Variants in KDR observed in about 807,000 individuals in gnomAD.
The protein encoded by KDR is kinase insert domain receptor.
Under a neutral mutation model 160.9 loss-of-function variants are expected in KDR, and 43 were observed. That is an observed-to-expected ratio of 0.27 (90% CI 0.21 to 0.34). KDR has a LOEUF of 0.34. Among genes scored for constraint, KDR ranks in the 10% least tolerant of loss-of-function variants. The pLI is 1.00. For synonymous variants in KDR, 617 were observed against 600.1 expected (o/e 1.03, Z -0.41); for missense variants, 1,469 against 1,666.4 (o/e 0.88, Z 2.06).
rs587778429 is a variant in KDR at position 55,114,137 on chromosome 4, G to T, written c.787C>A (p.Pro263Thr). Reference sequence around the variant, plus strand: ...ATCATTAGCGTTACCTTCGAAGAAGGGTATTCCCAGTTGAAGTCAATCCCC... The same window carrying T: ...ATCATTAGCGTTACCTTCGAAGAAGTGTATTCCCAGTTGAAGTCAATCCCC... ...NVGIDFNWEY[P>T]SSKHQHKKLV... The change falls in exon 6 of 30, where the codon CCT becomes ACT. Residue 263 changes from proline (P) to threonine (T), a missense_variant. Pro to Thr is a conservative substitution (Grantham distance 38). Coordinates refer to ENST00000263923, the MANE Select transcript of KDR (RefSeq NM_002253.4). 5.6e-5 allele frequency: 90 copies of T among 1,613,772 alleles called. No individual in the cohort carries two copies. Among genetic ancestry groups the T allele is most frequent in the Non-Finnish European group, 8.5e-6 (10 of 1,179,920 alleles).
At chr4:55,117,958 A>G (rs1215690140) in intron 3 of KDR, among the ~76,000 whole-genome samples, 1 of 152,172 alleles carries the variant, frequency 6.6e-6, no homozygotes, top group Non-Finnish European at 1.5e-5. Flanking sequence ...TACTATATGG[A>G]TGTTAAGTCA....
intron 25 of KDR, 62 bp from the exon 26 acceptor site, chr4:55,089,035 C>G: frequency 8.5e-7 from 1 of 1,174,966 alleles, no homozygotes. Context: ...TGAAAATAAG[C>G]ACTTAAATGA....
At chr4:55,111,067 C>G (rs930802325) in intron 7 of KDR, among the ~76,000 whole-genome samples, 2 of 152,124 alleles carry the variant, frequency 1.3e-5, no homozygotes, top group Non-Finnish European at 2.9e-5. Context: ...TCTAAGTCCC[C>G]CAGGGATGCT....
At chr4:55,119,270 C>T (rs910200410) in intron 2 of KDR, among the ~76,000 whole-genome samples, 1 of 151,762 alleles carries the variant, frequency 6.6e-6, no homozygotes, top group Admixed American at 6.6e-5. Flanking sequence ...AAGTTATAAA[C>T]TCAGCTTCAG....
At chr4:55,091,841 G>A (rs995918989) in intron 22 of KDR, among the ~76,000 whole-genome samples, 1 of 152,098 alleles carries the variant, frequency 6.6e-6, no homozygotes, top group Non-Finnish European at 1.5e-5. Flanking sequence ...GGGAATCACT[G>A]CCACCAGCCT....
At position 55,105,946 on chromosome 4, in the gene KDR, C is replaced by A. The variant is rs192072878; in HGVS notation, c.1537-6G>T. The A allele has an allele frequency of 1.9e-6, 3 of 1,592,910 alleles. No individual in the cohort carries two copies. The highest frequency in any genetic ancestry group is 2.2e-5 in the South Asian group (2 of 90,702). The stretch of plus-strand genomic sequence containing the variant: ...ATAACAAGGGTACTTACAGTCTGTG[C>A]GGGGAAAAAACAAATCCCAGGCCAT... On this transcript the variant is annotated splice_region_variant and splice_polypyrimidine_tract_variant and intron_variant, in intron 11 of 29. Coordinates refer to ENST00000263923, the MANE Select transcript of KDR (RefSeq NM_002253.4).
At position 55,116,515 on chromosome 4, in the gene KDR, A is replaced by G. The variant is rs937808137; in HGVS notation, c.359-1104T>C. On this transcript the variant is annotated intron_variant, in intron 3 of 29. Transcript: ENST00000263923. ...CCTAGTCCATTCCTCAGAGATAGAG[A>G]TGATGTGGTGTGGAGTCATGCTTGA... 9.9e-5 allele frequency among the ~76,000 whole-genome samples: 15 copies of G among 152,242 alleles called. No individual in the cohort carries two copies. The South Asian group carries it at 3.1e-3, about 32-fold the overall frequency.
intron 2 of KDR, 54 bp from the exon 3 acceptor site, chr4:55,118,854 A>T: frequency 1.4e-6 from 2 of 1,462,022 alleles, no homozygotes; most frequent in Non-Finnish European, 1.9e-6. Context: ...CTGTGAGGCT[A>T]TTTCTAAGAA....
Position 55,107,869 on chromosome 4 carries a change from G to A in KDR, c.1280C>T (p.Ser427Phe). ...GTAGGAATCCACAGGAGAGATTAGA[G>A]ATTTCTCACCAATCTGGGGTGGGAC... ...VYVPPQIGEK[S>F]LISPVDSYQY... is the part of the protein sequence containing the mutation. The change falls in exon 10 of 30, where the codon TCT (serine) becomes TTT (phenylalanine). Residue 427 changes from serine (S) to phenylalanine (F), a missense_variant. Around this residue, in one of 7 missense-constraint regions of KDR, gnomAD observed 792 missense variants for 840.9 expected, o/e 0.94. Coordinates refer to ENST00000263923, the MANE Select transcript of KDR (RefSeq NM_002253.4). The A allele has an allele frequency of 1.2e-6, 2 of 1,613,938 alleles. No homozygotes were observed. Among genetic ancestry groups the A allele is most frequent in the Middle Eastern group, 3.3e-4 (2 of 6,060 alleles).
chr4:55,114,295 A>G (rs1438933533), intron 5 of KDR, 30 bp from the exon 6 acceptor site: 3 of 1,607,912 alleles, frequency 1.9e-6, no homozygotes, highest in Non-Finnish European at 2.6e-6. Context: ...AAAACAGAAC[A>G]TGAGAGAGCA....
chr4:55,110,591 T>C (rs2110027716), intron 8 of KDR, 25 bp from the exon 9 acceptor site: 1 of 1,613,066 alleles, frequency 6.2e-7, no homozygotes, highest in Non-Finnish European at 8.5e-7. Flanking sequence ...TCTCAGGAAT[T>C]AGTATAGTCA....
chr4:55,110,830 T>C (rs1720563869), intron 7 of KDR, 62 bp from the exon 8 acceptor site: 10 of 1,386,008 alleles, frequency 7.2e-6, no homozygotes, highest in Admixed American at 3.6e-5. Flanking sequence ...GATTTAGTTT[T>C]TCATTTCAAG....
chr4:55,102,999 G>A (rs1720353292), intron 13 of KDR, among the ~76,000 whole-genome samples: 1 of 152,164 alleles, frequency 6.6e-6, no homozygotes, highest in Admixed American at 6.5e-5. Flanking sequence ...GAATAGGACT[G>A]TTAGCGTTAT....
chr4:55,092,877 A>AGG (rs1720053358), intron 21 of KDR, among the ~76,000 whole-genome samples, 163 bp from the exon 22 acceptor site: 1 of 152,214 alleles, frequency 6.6e-6, no homozygotes, highest in Admixed American at 6.5e-5. Context: ...CCTGAATCCC[A>AGG]GTATCATTAG....
intron 21 of KDR, among the ~76,000 whole-genome samples, chr4:55,093,325 A>G (rs2110014183): frequency 6.6e-6 from 1 of 152,354 alleles, no homozygotes; most frequent in African/African-American, 2.4e-5. Context: ...GGTGGTATTT[A>G]CTTCAGTGCA....
intron 22 of KDR, among the ~76,000 whole-genome samples, chr4:55,091,360 C>T (rs1560514623): frequency 6.6e-6 from 1 of 152,148 alleles, no homozygotes; most frequent in African/African-American, 2.4e-5. Context: ...CCTTTTTTAA[C>T]CCGACAACCA....
chr4:55,086,099 C>T (rs1160264417), intron 27 of KDR, among the ~76,000 whole-genome samples: 1 of 152,168 alleles, frequency 6.6e-6, no homozygotes, highest in African/African-American at 2.4e-5. Flanking sequence ...TGTGTAAACA[C>T]AGGAGTGGAA....
In KDR at chr4:55,095,658, G is replaced by A. The variant is rs41452948; in HGVS notation, c.2736C>T (p.Leu912=). The change falls in exon 20 of 30, where the codon CTC becomes CTT. Residue 912 remains leucine, a synonymous_variant. Coordinates refer to ENST00000263923, the MANE Select transcript of KDR (RefSeq NM_002253.4). ...LGACTKPGGP[L]MVIVEFCKFG... ...ATTTGCAGAATTCCACAATCACCATGAGTGGCCCTGCAGGCAGCATGTCCA... is the reference window on the plus strand; with the variant it reads ...ATTTGCAGAATTCCACAATCACCATAAGTGGCCCTGCAGGCAGCATGTCCA... 679 of 1,612,638 alleles carry A rather than the reference G, an allele frequency of 4.2e-4. 5 individuals are homozygous for A. The Admixed American group carries it at 6.2e-3, about 15-fold the overall frequency.
intron 15 of KDR, 57 bp downstream of exon 15, chr4:55,101,840 A>G (rs1720317072): frequency 7.0e-7 from 1 of 1,436,206 alleles, no homozygotes; most frequent in African/African-American, 1.4e-5. Context: ...ATTCCTTTTT[A>G]CGGCTGCATA....
Sources: allele counts gnomAD v4.1 joint callset (sites outside exome capture counted in the v4.1 genomes callset), GRCh38; gene constraint gnomAD v4.1.1; regional missense constraint gnomAD v4.1.1; transcripts MANE v1.5; gene names NCBI Gene and HGNC (gene_info 2026-07-23, HGNC 2026-07-21).